PRIM2: variants seen among roughly 807,000 people sequenced by gnomAD.
The protein encoded by PRIM2 is DNA primase subunit 2, also known as DNA primase large subunit.
A neutral mutation model predicts 67.3 loss-of-function variants in PRIM2; 39 were observed. The observed-to-expected ratio is 0.58, with a 90% confidence interval of 0.45 to 0.76. The LOEUF (loss-of-function observed/expected upper bound fraction) is 0.76, where lower values mean the gene tolerates loss of function less well. Among genes scored for constraint, PRIM2 ranks in the 30% least tolerant of loss-of-function variants. PRIM2 has a pLI of 0.00. For synonymous variants in PRIM2, 143 were observed against 198.7 expected (o/e 0.72, Z 2.36); for missense variants, 398 against 598.7 (o/e 0.66, Z 3.50).
At chr6:57,522,539 T>TG in intron 8 of PRIM2, among the ~76,000 whole-genome samples, 1 of 152,176 alleles carries the variant, frequency 6.6e-6, no homozygotes, top group Non-Finnish European at 1.5e-5. Context: ...TTTTAAGAGA[T>TG]GGGGTCTTGC....
At chr6:57,514,591 G>A (rs1335872242) in intron 8 of PRIM2, among the ~76,000 whole-genome samples, 5 of 152,090 alleles carry the variant, frequency 3.3e-5, no homozygotes, top group African/African-American at 1.2e-4. Flanking sequence ...GGTTTTCCAG[G>A]TGCTGTGTAA....
At chr6:57,620,485 A>G (rs1206795637) in intron 12 of PRIM2, among the ~76,000 whole-genome samples, 2 of 152,206 alleles carry the variant, frequency 1.3e-5, no homozygotes, top group African/African-American at 4.8e-5. Flanking sequence ...TGAAGGAAAG[A>G]TAACAGTCGT....
chr6:57,355,672 G>A (rs1769008788), intron 5 of PRIM2, among the ~76,000 whole-genome samples: 1 of 151,928 alleles, frequency 6.6e-6, no homozygotes, highest in Non-Finnish European at 1.5e-5. Context: ...TTTGAGATGG[G>A]GTCTCATTCT....
intron 9 of PRIM2, among the ~76,000 whole-genome samples, chr6:57,536,922 G>A (rs1414381771): frequency 1.3e-5 from 2 of 149,658 alleles, no homozygotes; most frequent in South Asian, 4.2e-4. Flanking sequence ...GACTGTGGTG[G>A]TGGATGTATG....
In PRIM2 at chr6:57,642,435, CTTTTTT is replaced by C. The variant is rs1156576933; in HGVS notation, c.1300-3473_1300-3468del. The stretch of plus-strand genomic sequence containing the variant: ...TATGCACATACCTTAAATATTATAT[CTTTTTT>C]TTTTTTTTTTTTTTTTTTTGAGACG... On this transcript the variant is annotated intron_variant, in intron 13 of 13. Coordinates refer to ENST00000615550, the MANE Select transcript of PRIM2 (RefSeq NM_000947.5). 2.6e-4 allele frequency among the ~76,000 whole-genome samples: 22 copies of C among 83,188 alleles called. 1 individual carries two copies. The highest frequency in any genetic ancestry group is 5.9e-4 in the African/African-American group (11 of 18,800). 54.6% of individuals were successfully genotyped at this position (83,188 alleles called of 152,430 possible). A position where few individuals can be genotyped will look rare whatever the true frequency, so the allele number is the denominator to read the frequency against.
chr6:57,351,698 T>C (rs1479531820), intron 5 of PRIM2, among the ~76,000 whole-genome samples: 1 of 152,074 alleles, frequency 6.6e-6, no homozygotes, highest in Non-Finnish European at 1.5e-5. Context: ...TGTGAAGATA[T>C]TGCTTGTGAG....
At chr6:57,282,503 T>C in the PRIM2 span, among the ~76,000 whole-genome samples, 2 of 152,206 alleles carry the variant, frequency 1.3e-5, no homozygotes, top group African/African-American at 4.8e-5. Flanking sequence ...CTCCCTGTTA[T>C]GAGCTGAATT....
the PRIM2 span, among the ~76,000 whole-genome samples, chr6:57,247,268 AG>A: frequency 7.2e-5 from 11 of 152,104 alleles, no homozygotes. Flanking sequence ...CATAACATCT[AG>A]GGGTGACATT....
intron 12 of PRIM2, among the ~76,000 whole-genome samples, chr6:57,614,861 T>C (rs1460737336): frequency 1.3e-5 from 2 of 151,704 alleles, no homozygotes; most frequent in Non-Finnish European, 2.9e-5. Context: ...AATATATATA[T>C]ATATGTATGT....
intron 10 of PRIM2, among the ~76,000 whole-genome samples, chr6:57,597,966 AATC>A (rs1421358118): frequency 7.9e-5 from 12 of 152,318 alleles, no homozygotes; most frequent in Admixed American, 7.2e-4. Flanking sequence ...ATTGCCAAGT[AATC>A]ATTCTCTAAG....
chr6:57,464,770 C>G (rs1235446900), intron 7 of PRIM2, among the ~76,000 whole-genome samples: 1 of 152,166 alleles, frequency 6.6e-6, no homozygotes, highest in Non-Finnish European at 1.5e-5. Flanking sequence ...CTATTCTCCT[C>G]CTCTCCATCA....
At chr6:57,362,427 C>T (rs968350084) in intron 5 of PRIM2, among the ~76,000 whole-genome samples, 1 of 152,092 alleles carries the variant, frequency 6.6e-6, no homozygotes, top group Non-Finnish European at 1.5e-5. Context: ...CATGTTGACT[C>T]AAAGCAAGTT....
intron 7 of PRIM2, among the ~76,000 whole-genome samples, chr6:57,425,516 A>G (rs1430232492): frequency 2.0e-5 from 3 of 152,142 alleles, no homozygotes; most frequent in Admixed American, 6.6e-5. Context: ...CACCCTGCCA[A>G]TGGAATTATT....
chr6:57,529,197 C>T (rs1235140235), intron 8 of PRIM2, among the ~76,000 whole-genome samples: 1 of 151,980 alleles, frequency 6.6e-6, no homozygotes, highest in Non-Finnish European at 1.5e-5. Flanking sequence ...GTATTCCCAG[C>T]TACTTGGGAG....
chr6:57,434,455 G>A (rs1350820735), intron 7 of PRIM2, among the ~76,000 whole-genome samples: 1 of 151,888 alleles, frequency 6.6e-6, no homozygotes, highest in South Asian at 2.1e-4. Flanking sequence ...TCAAGAATTT[G>A]CCCTGAAAAG....
intron 9 of PRIM2, among the ~76,000 whole-genome samples, chr6:57,532,819 A>G (rs1274116072): frequency 6.6e-6 from 1 of 152,184 alleles, no homozygotes; most frequent in Admixed American, 6.5e-5. Context: ...TTAGTTTGTT[A>G]GGGTTGTCAT....
chr6:57,594,374 T>C (rs1239656862), intron 10 of PRIM2, among the ~76,000 whole-genome samples: 1 of 152,178 alleles, frequency 6.6e-6, no homozygotes, highest in Admixed American at 6.5e-5. Context: ...ATCTTGAAAA[T>C]GAACAAAGTA....
Position 57,361,059 on chromosome 6 carries a change from G to A in PRIM2, c.460-18842G>A, listed in dbSNP as rs1769182545. On this transcript the variant is annotated intron_variant, in intron 5 of 13. Coordinates refer to ENST00000615550, the MANE Select transcript of PRIM2 (RefSeq NM_000947.5). ...ACAGTGTGAATAAAATAAATATTTA[G>A]AACATTATAAGAATGATGGCTGACA... 3.3e-5 allele frequency among the ~76,000 whole-genome samples: 5 copies of A among 152,062 alleles called. No homozygotes were observed. In the South Asian group the frequency reaches 1.0e-3, roughly 32 times the overall value.
intron 10 of PRIM2, among the ~76,000 whole-genome samples, chr6:57,559,446 A>G (rs1422450777): frequency 5.9e-5 from 9 of 152,154 alleles, no homozygotes; most frequent in African/African-American, 1.4e-4. Context: ...GCCTTTCTCA[A>G]AATTGTATCT....
Sources: allele counts gnomAD v4.1 joint callset (sites outside exome capture counted in the v4.1 genomes callset), GRCh38; gene constraint gnomAD v4.1.1; transcripts MANE v1.5; gene names NCBI Gene and HGNC (gene_info 2026-07-23, HGNC 2026-07-21).